NEK10: variants seen among roughly 807,000 people sequenced by gnomAD.
NEK10 encodes NIMA related kinase 10.
In NEK10, 122 loss-of-function variants were observed where a neutral mutation model predicts 159.8. The ratio of observed to expected loss-of-function variants is 0.76; its 90% CI spans 0.66 to 0.89. NEK10 has a LOEUF of 0.89. Among genes scored for constraint, NEK10 ranks in the 40% least tolerant of loss-of-function variants. NEK10 has a pLI of 0.00. For synonymous variants in NEK10, 466 were observed against 457.1 expected, an observed-to-expected ratio of 1.02 and a Z score of -0.25; for missense variants, 1,342 against 1,323.1, an observed-to-expected ratio of 1.01 and a Z score of -0.22.
intron 23 of NEK10, among the ~76,000 whole-genome samples, chr3:27,243,830 GGTGTGTGTGTGTGTGTGT>G (rs56720203): frequency 3.4e-5 from 5 of 148,266 alleles, no homozygotes; most frequent in African/African-American, 5.0e-5. Context: ...TGACACCATG[GGTGTGTGTGTGTGTGTGT>G]GTGTGTGTGT....
chr3:27,121,862 G>A (rs1400454878), intron 32 of NEK10, among the ~76,000 whole-genome samples: 4 of 152,034 alleles, frequency 2.6e-5, no homozygotes, highest in African/African-American at 9.7e-5. Flanking sequence ...ATTGATGTGG[G>A]TGGTGGTCGT....
At chr3:27,203,731 A>G (rs1045751945) in intron 23 of NEK10, among the ~76,000 whole-genome samples, 1 of 150,834 alleles carries the variant, frequency 6.6e-6, no homozygotes, top group Non-Finnish European at 1.5e-5. Flanking sequence ...CAAAACAATC[A>G]AGACAGGTAT....
At chr3:27,219,761 A>C (rs1323750886) in intron 23 of NEK10, among the ~76,000 whole-genome samples, 2 of 152,238 alleles carry the variant, frequency 1.3e-5, no homozygotes, top group Non-Finnish European at 2.9e-5. Flanking sequence ...AAAGGTCTCC[A>C]GATGGGAAGG....
chr3:27,250,291 A>G (rs1021326555), intron 23 of NEK10, among the ~76,000 whole-genome samples: 3 of 151,440 alleles, frequency 2.0e-5, no homozygotes, highest in African/African-American at 7.3e-5. Flanking sequence ...GGTTCACGCC[A>G]TTCTCCTGCC....
At chr3:27,111,407 T>C in intron 35 of NEK10, 87 bp from the exon 36 acceptor site, 1 of 964,488 alleles carries the variant, frequency 1.0e-6, no homozygotes, top group Non-Finnish European at 1.5e-6. Context: ...GGCTCAGGCA[T>C]ATAAGTAAAT....
chr3:27,147,256 A>C (rs1280997544), intron 30 of NEK10, among the ~76,000 whole-genome samples: 1 of 152,182 alleles, frequency 6.6e-6, no homozygotes, highest in Admixed American at 6.5e-5. Flanking sequence ...GGACTGCTGA[A>C]GCTTGGGACT....
chr3:27,325,633 A>T (rs1024110822), intron 5 of NEK10, among the ~76,000 whole-genome samples: 1 of 151,292 alleles, frequency 6.6e-6, no homozygotes, highest in Admixed American at 6.6e-5. Flanking sequence ...TCCCCACCCC[A>T]CCCCACTCAC....
intron 23 of NEK10, among the ~76,000 whole-genome samples, chr3:27,227,263 G>A (rs976005299): frequency 1.3e-5 from 2 of 152,204 alleles, no homozygotes; most frequent in African/African-American, 4.8e-5. Flanking sequence ...AGGAGGAGGG[G>A]TGGCCTTCAC....
At position 27,243,833 on chromosome 3, in the gene NEK10, GTGT is replaced by G. The variant is rs1559351811; in HGVS notation, c.2090+12460_2090+12462del. On this transcript the variant is annotated intron_variant, in intron 23 of 35. Transcript: ENST00000691995. ...TCTACACTTGACTGACACCATGGGTGTGTGTGTGTGTGTGTGTGTGTGTGTGTG... is the reference window on the plus strand; with the variant it reads ...TCTACACTTGACTGACACCATGGGTGGTGTGTGTGTGTGTGTGTGTGTGTG... 3.8e-4 allele frequency among the ~76,000 whole-genome samples: 10 copies of G among 26,256 alleles called. No individual in the cohort carries two copies. In the African/African-American group the frequency reaches 7.6e-3, roughly 20 times the overall value. The allele number at this position is 26,256 out of a possible 152,430, so 17.2% of individuals were successfully genotyped here.
At chr3:27,338,298 G>A (rs760168026) in intron 5 of NEK10, among the ~76,000 whole-genome samples, 10 of 152,166 alleles carry the variant, frequency 6.6e-5, no homozygotes, top group Admixed American at 3.3e-4. Context: ...AGTACTCCAC[G>A]GTGTATATGT....
intron 23 of NEK10, 36 bp downstream of exon 23, chr3:27,256,260 T>A (rs770865211): frequency 2.1e-6 from 2 of 967,738 alleles, no homozygotes; most frequent in South Asian, 3.8e-5. Flanking sequence ...ATCAGTTAAG[T>A]ATGATGTTTG....
At chr3:27,184,323 A>T (rs1022631597) in intron 26 of NEK10, among the ~76,000 whole-genome samples, 3 of 152,222 alleles carry the variant, frequency 2.0e-5, no homozygotes, top group Non-Finnish European at 4.4e-5. Context: ...CCAGCCACTA[A>T]AGAGAACATG....
chr3:27,296,659 T>C (rs1426284287), intron 14 of NEK10, among the ~76,000 whole-genome samples: 2 of 152,196 alleles, frequency 1.3e-5, no homozygotes, highest in East Asian at 3.8e-4. Flanking sequence ...TTAATATAGA[T>C]CTATTAATTT....
At chr3:27,226,875 G>C (rs1264268031) in intron 23 of NEK10, among the ~76,000 whole-genome samples, 1 of 151,958 alleles carries the variant, frequency 6.6e-6, no homozygotes, top group East Asian at 1.9e-4. Context: ...TAAAATTACA[G>C]GTTATTTCCC....
intron 1 of NEK10, among the ~76,000 whole-genome samples, chr3:27,364,594 A>G (rs2048929308): frequency 1.3e-5 from 2 of 152,232 alleles, no homozygotes; most frequent in Admixed American, 1.3e-4. Flanking sequence ...AATACTAGAG[A>G]TAAAATTAAA....
At chr3:27,365,827 G>C in intron 1 of NEK10, among the ~76,000 whole-genome samples, 1 of 151,848 alleles carries the variant, frequency 6.6e-6, no homozygotes, top group Non-Finnish European at 1.5e-5. Flanking sequence ...TGGCCAGGCC[G>C]GTCTCAAACT....
intron 5 of NEK10, among the ~76,000 whole-genome samples, chr3:27,334,340 A>G (rs1272032544): frequency 6.6e-6 from 1 of 152,060 alleles, no homozygotes; most frequent in Admixed American, 6.6e-5. Context: ...ACTCAAACAT[A>G]CCAGCTGCTC....
chr3:27,180,978 C>T (rs1038038020), intron 26 of NEK10, among the ~76,000 whole-genome samples: 3 of 152,114 alleles, frequency 2.0e-5, no homozygotes, highest in South Asian at 2.1e-4. Context: ...CCTGCTTCAC[C>T]GCACGCTGGA....
At chr3:27,364,348 TTGTGTGTGTGTGTG>T (rs4016621) in intron 1 of NEK10, among the ~76,000 whole-genome samples, 8,570 of 120,512 alleles carry the variant, frequency 0.071, 614 homozygotes, top group African/African-American at 0.16. Context: ...GCCTGGCTAA[TTGTGTGTGTGTGTG>T]TGTGTGTGTG....
Sources: allele counts gnomAD v4.1 joint callset (sites outside exome capture counted in the v4.1 genomes callset), GRCh38; gene constraint gnomAD v4.1.1; transcripts MANE v1.5; gene names NCBI Gene and HGNC (gene_info 2026-07-23, HGNC 2026-07-21).